The following ANAPC7 variants were observed in gnomAD, a reference collection of about 807,000 sequenced individuals.
ANAPC7 encodes anaphase promoting complex subunit 7.
Under a neutral mutation model 63.3 loss-of-function variants are expected in ANAPC7, and 25 were observed. The observed-to-expected ratio is 0.39, with a 90% CI of 0.29 to 0.55. The LOEUF is 0.55. ANAPC7 is among the 20% of genes least tolerant of loss of function. The pLI is 0.57. For synonymous variants in ANAPC7, 241 were observed against 251.7 expected, an observed-to-expected ratio of 0.96 and a Z score of 0.40; for missense variants, 516 against 691.7, an observed-to-expected ratio of 0.75 and a Z score of 2.85.
Position 110,403,531 on chromosome 12 carries a change from T to G in ANAPC7, c.97A>C (p.Asn33His), listed in dbSNP as rs776192421. The G allele has an allele frequency of 3.1e-6, 5 of 1,600,172 alleles. No individual in the cohort carries two copies. The highest frequency in any genetic ancestry group is 4.3e-6 in the Non-Finnish European group (5 of 1,174,188). The change falls in exon 1 of 11, where the codon AAC becomes CAC. Residue 33 changes from asparagine (N) to histidine (H), a missense_variant. Asn to His is a moderately conservative substitution (Grantham distance 68). Around this residue, in one of 4 missense-constraint regions of ANAPC7, gnomAD observed 185 missense variants for 200.3 expected, o/e 0.92. Transcript: ENST00000455511. ...SSLLLTMSNN[N>H]PELFSPPQKY... Reference sequence around the variant, plus strand: ...CAGCTACCCGCCTCAACTCACGGGTTGTTATTACTCATTGTAAGTAACAAG... The same window carrying G: ...CAGCTACCCGCCTCAACTCACGGGTGGTTATTACTCATTGTAAGTAACAAG...
intron 3 of ANAPC7, among the ~76,000 whole-genome samples, chr12:110,392,793 T>C (rs538536865): frequency 5.3e-5 from 8 of 152,026 alleles, no homozygotes; most frequent in Non-Finnish European, 1.0e-4. Flanking sequence ...TCTTTTTTTG[T>C]TTGTTTTTTT....
rs1881050086 is a variant in ANAPC7, at chr12:110,374,218, C to G, written c.1624G>C (p.Glu542Gln). 2 of 1,614,100 alleles carry G rather than the reference C, an allele frequency of 1.2e-6. No homozygotes were observed. Among genetic ancestry groups the G allele is most frequent in the Non-Finnish European group, 1.7e-6 (2 of 1,180,032 alleles). Residue 542 changes from glutamate (E) to glutamine (Q), a missense_variant, in exon 11 of 11, where the codon GAA (glutamate) becomes CAA (glutamine). Glu to Gln is a conservative substitution (Grantham distance 29, BLOSUM62 2). Coordinates refer to ENST00000455511, the MANE Select transcript of ANAPC7 (RefSeq NM_016238.3). ...CTGTCGCTGCCCTCCAGGTCCCCTT[C>G]TTCCCCACTCCCTTCCATGTCGTCC... ...DVDDMEGSGEEGDLEGSDSEA... is the reference protein window; with the variant it reads ...DVDDMEGSGEQGDLEGSDSEA...
Position 110,377,419 on chromosome 12 carries a change from G to C in ANAPC7, c.1331C>G (p.Ala444Gly). The C allele has an allele frequency of 6.2e-7, 1 of 1,614,026 alleles. No individual in the cohort carries two copies. The highest frequency in any genetic ancestry group is 8.5e-7 in the Non-Finnish European group (1 of 1,179,976). The change falls in exon 9 of 11, where the codon GCT becomes GGT. Residue 444 changes from alanine to glycine, a missense_variant. Physicochemically the swap from Ala to Gly is moderately conservative, Grantham distance 60. Transcript: ENST00000455511. ...ALTQRPDYIK[A>G]VVKKAELLSR... is the part of the protein sequence containing the mutation. ...AAGTAGTTCTGCTTTTTTCACCACA[G>C]CCTTAATGTAATCTGGCCTTTGGGT...
intron 5 of ANAPC7, chr12:110,386,779 A>T (rs1003483894): frequency 4.5e-6 from 1 of 221,488 alleles, no homozygotes; most frequent in Non-Finnish European, 8.8e-6. Flanking sequence ...TTACTCAAGT[A>T]AACGACTTTG....
chr12:110,389,388 A>G (rs1408397049), intron 3 of ANAPC7, among the ~76,000 whole-genome samples: 2 of 151,766 alleles, frequency 1.3e-5, no homozygotes, highest in Non-Finnish European at 2.9e-5. Context: ...AATGATACAG[A>G]AAGACAGATA....
intron 1 of ANAPC7, among the ~76,000 whole-genome samples, chr12:110,401,950 C>CAAAAAA (rs747810973): frequency 1.1e-4 from 5 of 46,102 alleles, no homozygotes; most frequent in Admixed American, 2.4e-4. Flanking sequence ...GACTCCGTCT[C>CAAAAAA]AAAAAAAAAA....
rs1403496433 is a variant in ANAPC7, at chr12:110,387,730, G to C, written c.674+9C>G. The C allele has an allele frequency of 6.3e-7, 1 of 1,596,918 alleles. No individual in the cohort carries two copies. Among genetic ancestry groups the C allele is most frequent in the African/African-American group, 1.3e-5 (1 of 74,592 alleles). ...CTCAAGAACACTGAATTAACTTTGT[G>C]GCTCTCACCAGATGGTACTGATTGC... On this transcript the variant is annotated intron_variant, in intron 5 of 10. Coordinates refer to ENST00000455511, the MANE Select transcript of ANAPC7 (RefSeq NM_016238.3).
At chr12:110,377,273 C>T in intron 9 of ANAPC7, 120 bp downstream of exon 9, 1 of 839,708 alleles carries the variant, frequency 1.2e-6, no homozygotes, top group Non-Finnish European at 1.9e-6. Flanking sequence ...AGGCTCAGAC[C>T]TGCTGCAAAA....
chr12:110,403,417 C>T, intron 1 of ANAPC7, 110 bp downstream of exon 1: 1 of 1,264,674 alleles, frequency 7.9e-7, no homozygotes. Context: ...GGAGCCTCCG[C>T]TGGCGCCGGC....
Position 110,388,764 on chromosome 12 carries a change from A to T in ANAPC7, c.409-141T>A, listed in dbSNP as rs539826713. On this transcript the variant is annotated intron_variant, in intron 3 of 10. Coordinates refer to ENST00000455511, the MANE Select transcript of ANAPC7 (RefSeq NM_016238.3). Reference sequence around the variant, plus strand: ...CCCACAACCCTGTGCAAATAAAGGCAGACTGACCCCATTCTTCAAAAGAAA... The same window carrying T: ...CCCACAACCCTGTGCAAATAAAGGCTGACTGACCCCATTCTTCAAAAGAAA... The T allele has an allele frequency of 1.8e-4, 114 of 642,462 alleles. No homozygotes were observed. In the African/African-American group the frequency reaches 1.9e-3, roughly 11 times the overall value. The allele number at this position is 642,462 out of a possible 1,614,324, so 39.8% of individuals were successfully genotyped here.
chr12:110,376,924 C>T (rs910835289), intron 9 of ANAPC7, among the ~76,000 whole-genome samples: 1 of 151,534 alleles, frequency 6.6e-6, no homozygotes. Context: ...ATTTCGAAAC[C>T]GGCCTGGCCA....
At chr12:110,383,668 G>C (rs1882148683) in intron 6 of ANAPC7, among the ~76,000 whole-genome samples, 1 of 151,754 alleles carries the variant, frequency 6.6e-6, no homozygotes, top group African/African-American at 2.4e-5. Flanking sequence ...AGATCACGAG[G>C]TCAGGAGTTC....
intron 3 of ANAPC7, among the ~76,000 whole-genome samples, chr12:110,392,274 T>C (rs2137970551): frequency 6.6e-6 from 1 of 152,286 alleles, no homozygotes. Flanking sequence ...TAATTCATAA[T>C]AAACTTTCAA....
intron 3 of ANAPC7, 74 bp downstream of exon 3, chr12:110,395,027 T>C: frequency 6.5e-7 from 1 of 1,531,588 alleles, no homozygotes; most frequent in Non-Finnish European, 8.8e-7. Flanking sequence ...GACTCCTTAA[T>C]GCATGAGAAA....
intron 10 of ANAPC7, among the ~76,000 whole-genome samples, chr12:110,374,850 C>G (rs1295929605): frequency 6.6e-6 from 1 of 152,148 alleles, no homozygotes; most frequent in Non-Finnish European, 1.5e-5. Flanking sequence ...CTAGGTCAGA[C>G]CCCAGGACCC....
intron 1 of ANAPC7, among the ~76,000 whole-genome samples, chr12:110,400,172 T>C (rs1160195187): frequency 6.6e-6 from 1 of 152,206 alleles, no homozygotes; most frequent in Non-Finnish European, 1.5e-5. Flanking sequence ...ATTCTATGTA[T>C]GTAGTGAGAA....
chr12:110,387,506 C>A, intron 5 of ANAPC7: 1 of 347,404 alleles, frequency 2.9e-6, no homozygotes, highest in Non-Finnish European at 5.1e-6. Context: ...GGGTTACTAC[C>A]TGTGCAGGCA....
At chr12:110,397,532 C>T (rs1336786534) in intron 1 of ANAPC7, among the ~76,000 whole-genome samples, 1 of 148,306 alleles carries the variant, frequency 6.7e-6, no homozygotes, top group Non-Finnish European at 1.5e-5. Flanking sequence ...GCACTCCAGC[C>T]TGGCGACAGA....
chr12:110,392,752 G>A (rs554146799), intron 3 of ANAPC7, among the ~76,000 whole-genome samples: 18 of 152,242 alleles, frequency 1.2e-4, no homozygotes, highest in Middle Eastern at 3.4e-3. Flanking sequence ...CACACAGCTT[G>A]TATGCACCTA....
Sources: gnomAD v4.1 joint callset for allele counts (sites outside exome capture counted in the v4.1 genomes callset) on GRCh38, gnomAD v4.1.1 for gene constraint, gnomAD v4.1.1 regional missense constraint, MANE v1.5 for transcripts, NCBI Gene and HGNC (gene_info 2026-07-23, HGNC 2026-07-21) for gene names.